The following KLHL26 variants were observed in gnomAD, a reference collection of about 807,000 sequenced individuals.
KLHL26 encodes kelch like family member 26, also known as kelch-like protein 26.
In KLHL26, 4 loss-of-function variants were observed where a neutral mutation model predicts 7.1. That is an observed-to-expected ratio of 0.56 (90% CI 0.28 to 1.28). The LOEUF (loss-of-function observed/expected upper bound fraction) is 1.28. Among genes scored for constraint, KLHL26 ranks in the 50% most tolerant of loss-of-function variants. The pLI is 0.11. For missense variants in KLHL26, 896 were observed against 924.6 expected (o/e 0.97, Z 0.40); for synonymous variants, 465 against 414.1 (o/e 1.12, Z -1.49).
At position 18,647,459 on chromosome 19, in the gene KLHL26, T is replaced by TTG. The variant is rs145913221; in HGVS notation, c.83+10338_83+10339dup. The stretch of plus-strand genomic sequence containing the variant: ...TTTGGTTTTTTCCTTTTTCTGATAT[T>TTG]TGTGTGTGTGTGTGTGTCTTACCCT... On this transcript the variant is annotated intron_variant, in intron 1 of 2. Coordinates refer to ENST00000300976, the MANE Select transcript of KLHL26 (RefSeq NM_018316.3). Among the ~76,000 whole-genome samples, 219 of 151,610 alleles carry TTG rather than the reference T, an allele frequency of 1.4e-3. 2 individuals carry two copies. Among genetic ancestry groups the TTG allele is most frequent in the South Asian group, 0.011 (51 of 4,800 alleles).
chr19:18,652,634 C>T (rs1379518764), intron 1 of KLHL26, among the ~76,000 whole-genome samples: 1 of 151,532 alleles, frequency 6.6e-6, no homozygotes, highest in Non-Finnish European at 1.5e-5. Flanking sequence ...CCAGTGCTGC[C>T]ACCTGGGAGC....
intron 1 of KLHL26, among the ~76,000 whole-genome samples, chr19:18,644,933 C>T (rs895711716): frequency 6.6e-6 from 1 of 152,110 alleles, no homozygotes; most frequent in African/African-American, 2.4e-5. Flanking sequence ...CACCCCCGAC[C>T]GCCCCCAACG....
rs1555769809 is a variant in KLHL26 at position 18,667,643 on chromosome 19, CGTT to C, written c.267-18_267-16del. ...CACCCCTCAGCCACTGCCAGCCACA[CGTT>C]GTGTTTCTGCCCTTCAGGGCCATGT... On this transcript the variant is annotated intron_variant, in intron 2 of 2. Transcript: ENST00000300976. 1.3e-6 allele frequency: 2 copies of C among 1,596,574 alleles called. No individual in the cohort carries two copies. The highest frequency in any genetic ancestry group is 1.7e-6 in the Non-Finnish European group (2 of 1,170,474).
intron 1 of KLHL26, among the ~76,000 whole-genome samples, chr19:18,661,763 G>A (rs12610845): frequency 0.36 from 54,844 of 151,964 alleles, 10,360 homozygotes; most frequent in East Asian, 0.5. Context: ...CTACGCAGCT[G>A]CCTTCCTGGG....
At position 18,668,063 on chromosome 19, in the gene KLHL26, C is replaced by T. The variant is rs758474804; in HGVS notation, c.666C>T (p.Ala222=). Residue 222 remains alanine (A), a synonymous_variant, in exon 3 of 3, where the codon GCC becomes GCT. Transcript: ENST00000300976. Reference sequence around the variant, plus strand: ...AGAGCAACCGGCTGCAGAGCTGTGCCGAGATCGACCTGTTCCGCGCGGCCG... The same window carrying T: ...AGAGCAACCGGCTGCAGAGCTGTGCTGAGATCGACCTGTTCCGCGCGGCCG... ...FLQSNRLQSC[A]EIDLFRAAVR... is the part of the protein sequence containing the mutation. The T allele has an allele frequency of 1.0e-4, 163 of 1,607,260 alleles. 1 individual carries two copies. Among genetic ancestry groups the T allele is most frequent in the Non-Finnish European group, 1.3e-4 (156 of 1,179,928 alleles).
chr19:18,663,102 T>A (rs2052408302), intron 1 of KLHL26, among the ~76,000 whole-genome samples: 1 of 152,160 alleles, frequency 6.6e-6, no homozygotes, highest in Non-Finnish European at 1.5e-5. Context: ...ATGTCCTGCT[T>A]CCCCAGGGAC....
At position 18,649,384 on chromosome 19, in the gene KLHL26, C is replaced by T. The variant is rs747703227; in HGVS notation, c.83+12247C>T. 6.6e-6 allele frequency among the ~76,000 whole-genome samples: 1 copy of T among 152,180 alleles called. No homozygotes were observed. Among genetic ancestry groups the T allele is most frequent in the Admixed American group, 6.5e-5 (1 of 15,286 alleles). ...AAGCCTCCTGGCATAGCTCTGCATG[C>T]CCAGGCTGGCCGAGGGTCATCCGCC... On this transcript the variant is annotated intron_variant, in intron 1 of 2. Coordinates refer to ENST00000300976, the MANE Select transcript of KLHL26 (RefSeq NM_018316.3). The surrounding 1 kb of genome is among the most constrained non-coding windows in gnomAD (Gnocchi z 4.0).
rs1278069506 is a variant in KLHL26, at chr19:18,646,457, C to T, written c.83+9320C>T. Among the ~76,000 whole-genome samples, 1 of 152,214 alleles carries T rather than the reference C, an allele frequency of 6.6e-6. No homozygotes were observed. The highest frequency in any genetic ancestry group is 1.5e-5 in the Non-Finnish European group (1 of 68,042). On this transcript the variant is annotated intron_variant, in intron 1 of 2. Coordinates refer to ENST00000300976, the MANE Select transcript of KLHL26 (RefSeq NM_018316.3). The surrounding 1 kb of genome is among the most constrained non-coding windows in gnomAD (Gnocchi z 5.0). ...TTCAGAAGGAGGATTTTGACCCTTC[C>T]AAGACGTGGACTCAAGTCCTTCTCC...
intron 2 of KLHL26, 123 bp downstream of exon 2, chr19:18,664,566 A>G (rs982416328): frequency 1.2e-4 from 84 of 712,060 alleles, no homozygotes; most frequent in Non-Finnish European, 2.6e-5. Flanking sequence ...TTCGAGGGAG[A>G]ACGGCTGGTA....
intron 1 of KLHL26, among the ~76,000 whole-genome samples, chr19:18,643,888 C>T (rs1338310093): frequency 6.6e-6 from 1 of 152,092 alleles, no homozygotes; most frequent in Non-Finnish European, 1.5e-5. Context: ...ACCACTATGC[C>T]CAACCTGTAT....
Position 18,646,152 on chromosome 19 carries a change from T to C in KLHL26, c.83+9015T>C, listed in dbSNP as rs1239049863. Reference sequence around the variant, plus strand: ...TTATTATTATTAATTTTTTTTGACGTCACTCTGAGCTCAGGCTGGAGTGCA... The same window carrying C: ...TTATTATTATTAATTTTTTTTGACGCCACTCTGAGCTCAGGCTGGAGTGCA... On this transcript the variant is annotated intron_variant, in intron 1 of 2. Transcript: ENST00000300976. This position sits in a 1 kb window ranked among gnomAD's most constrained non-coding sequence, Gnocchi z 5.0. Among the ~76,000 whole-genome samples the C allele has an allele frequency of 2.0e-5, 3 of 152,082 alleles. No homozygotes were observed. Among genetic ancestry groups the C allele is most frequent in the Admixed American group, 2.0e-4 (3 of 15,260 alleles).
chr19:18,640,416 G>A (rs1055981050), intron 1 of KLHL26, among the ~76,000 whole-genome samples: 3 of 151,690 alleles, frequency 2.0e-5, no homozygotes, highest in Admixed American at 2.0e-4. Flanking sequence ...TATTTTTTCT[G>A]TGCTTTTGTT....
At position 18,670,167 on chromosome 19, in the gene KLHL26, C is replaced by G. The variant is rs138448214; in HGVS notation, c.*922C>G. 1.3e-5 allele frequency: 2 copies of G among 152,292 alleles called. No individual in the cohort carries two copies. The highest frequency in any genetic ancestry group is 2.9e-5 in the Non-Finnish European group (2 of 68,078). The allele number at this position is 152,292 out of a possible 1,614,324, so 9.4% of individuals were successfully genotyped here. ...CCGCGCCCTGCCACTCCCTGGCCTG[C>G]CCTGTTTTTGGGTCAACATTGCTAC... On this transcript the variant is annotated 3_prime_UTR_variant, in exon 3 of 3. Coordinates refer to ENST00000300976, the MANE Select transcript of KLHL26 (RefSeq NM_018316.3).
In KLHL26 at chr19:18,650,399, A is replaced by G. The variant is rs1290744493; in HGVS notation, c.83+13262A>G. Among the ~76,000 whole-genome samples the G allele has an allele frequency of 1.3e-5, 2 of 152,196 alleles. No individual in the cohort carries two copies. The highest frequency in any genetic ancestry group is 2.1e-4 in the South Asian group (1 of 4,822). On this transcript the variant is annotated intron_variant, in intron 1 of 2. Coordinates refer to ENST00000300976, the MANE Select transcript of KLHL26 (RefSeq NM_018316.3). This position sits in a 1 kb window ranked among gnomAD's most constrained non-coding sequence, Gnocchi z 4.2. Reference sequence around the variant, plus strand: ...GGGAGCCCCACAGAGGACCCCCAAGACACCCTCTCTGTTGCCATCAGCCTG... The same window carrying G: ...GGGAGCCCCACAGAGGACCCCCAAGGCACCCTCTCTGTTGCCATCAGCCTG...
rs1479185646 is a variant in KLHL26, at chr19:18,649,523, C to T, written c.83+12386C>T. Among the ~76,000 whole-genome samples, 1 of 152,210 alleles carries T rather than the reference C, an allele frequency of 6.6e-6. No individual in the cohort carries two copies. The highest frequency in any genetic ancestry group is 1.5e-5 in the Non-Finnish European group (1 of 68,036). ...TGTTACAGAGCCCAGGGCACCATAC[C>T]GTTTTGCGTGTGCTGTCTTTAGTGA... On this transcript the variant is annotated intron_variant, in intron 1 of 2. Coordinates refer to ENST00000300976, the MANE Select transcript of KLHL26 (RefSeq NM_018316.3). This position sits in a 1 kb window ranked among gnomAD's most constrained non-coding sequence, Gnocchi z 4.0.
In KLHL26 at chr19:18,669,034, G is replaced by A. The variant is rs755391505; in HGVS notation, c.1637G>A (p.Arg546Gln). ...TDQWTSVSPM[R>Q]AGQSEAGCCL... is the part of the protein sequence containing the mutation. ...CAGTGGACCAGCGTGAGCCCCATGC[G>A]GGCCGGCCAGTCAGAGGCCGGCTGC... The change falls in exon 3 of 3, where the codon CGG becomes CAG. Residue 546 changes from arginine to glutamine, a missense_variant. By Grantham distance (43) the Arg-to-Gln change is conservative. Transcript: ENST00000300976. 2 of 1,612,738 alleles carry A rather than the reference G, an allele frequency of 1.2e-6. No homozygotes were observed. The highest frequency in any genetic ancestry group is 1.7e-6 in the Non-Finnish European group (2 of 1,179,902).
intron 1 of KLHL26, among the ~76,000 whole-genome samples, chr19:18,641,336 T>TA (rs1555766105): frequency 3.3e-5 from 5 of 149,850 alleles, no homozygotes; most frequent in African/African-American, 1.2e-4. Context: ...TTTTTTTTTT[T>TA]AAGACTGAGT....
chr19:18,666,555 C>T (rs1042683287), intron 2 of KLHL26, among the ~76,000 whole-genome samples: 13 of 152,192 alleles, frequency 8.5e-5, no homozygotes, highest in Non-Finnish European at 1.3e-4. Context: ...CCCTCCCTCA[C>T]GGGGGCCTGT....
chr19:18,647,048 G>A (rs1237336275), intron 1 of KLHL26, among the ~76,000 whole-genome samples: 2 of 152,200 alleles, frequency 1.3e-5, no homozygotes, highest in Non-Finnish European at 2.9e-5. Context: ...CCCACAGGCC[G>A]AGCCACATCC....
Sources: allele counts gnomAD v4.1 joint callset (sites outside exome capture counted in the v4.1 genomes callset), GRCh38; gene constraint gnomAD v4.1.1; non-coding constraint Gnocchi (gnomAD v3.1); transcripts MANE v1.5; gene names NCBI Gene and HGNC (gene_info 2026-07-23, HGNC 2026-07-21).